MLLT3: variants seen among roughly 807,000 people sequenced by gnomAD.
The protein encoded by MLLT3 is MLLT3 super elongation complex subunit.
MLLT3 carries 4 observed loss-of-function variants against 53.2 expected under a neutral mutation model. The ratio of observed to expected loss-of-function variants is 0.08; its 90% CI spans 0.04 to 0.17. The LOEUF is 0.17. MLLT3 is among the 10% of genes least tolerant of loss of function. The pLI is 1.00. For missense variants in MLLT3, 569 were observed against 684.0 expected (o/e 0.83, Z 1.87); for synonymous variants, 283 against 230.6 (o/e 1.23, Z -2.06).
intron 8 of MLLT3, among the ~76,000 whole-genome samples, chr9:20,357,812 TAGAG>T (rs909768055): frequency 2.1e-4 from 32 of 152,316 alleles, no homozygotes; most frequent in African/African-American, 4.3e-4. Context: ...TATCAATTCA[TAGAG>T]AGAGAACAGG....
intron 2 of MLLT3, among the ~76,000 whole-genome samples, chr9:20,507,645 T>A (rs1176176783): frequency 6.6e-6 from 1 of 150,520 alleles, no homozygotes; most frequent in Non-Finnish European, 1.5e-5. Flanking sequence ...TGCCCATGCA[T>A]GCAAGAATTT....
At chr9:20,349,902 G>T (rs1239785034) in intron 10 of MLLT3, among the ~76,000 whole-genome samples, 1 of 152,234 alleles carries the variant, frequency 6.6e-6, no homozygotes, top group African/African-American at 2.4e-5. Context: ...CAAGGTAGAT[G>T]CAGAGAAACA....
intron 3 of MLLT3, among the ~76,000 whole-genome samples, chr9:20,455,402 C>T (rs931220393): frequency 6.6e-6 from 1 of 152,200 alleles, no homozygotes. Context: ...AGGGATTGCA[C>T]ATTAAGGAGT....
At chr9:20,531,839 A>G (rs530475227) in intron 2 of MLLT3, among the ~76,000 whole-genome samples, 1 of 152,288 alleles carries the variant, frequency 6.6e-6, no homozygotes, top group South Asian at 2.1e-4. Context: ...AAGCCTCTCA[A>G]TATTATCTGT....
intron 2 of MLLT3, among the ~76,000 whole-genome samples, chr9:20,600,159 T>A (rs1275976653): frequency 2.0e-5 from 3 of 147,880 alleles, no homozygotes; most frequent in Non-Finnish European, 3.0e-5. Flanking sequence ...AAAAAAACAC[T>A]TAGTTCAAAT....
intron 2 of MLLT3, among the ~76,000 whole-genome samples, chr9:20,482,876 A>G (rs1440063327): frequency 6.6e-6 from 1 of 152,212 alleles, no homozygotes; most frequent in Non-Finnish European, 1.5e-5. Context: ...TACATAAATC[A>G]TGAGTTTAAC....
intron 4 of MLLT3, among the ~76,000 whole-genome samples, chr9:20,441,736 A>G (rs1029541469): frequency 5.3e-5 from 8 of 152,172 alleles, no homozygotes; most frequent in African/African-American, 1.7e-4. Flanking sequence ...TCCAAAACAA[A>G]TATCCAAAAA....
At position 20,365,822 on chromosome 9, in the gene MLLT3, C is replaced by T. The variant is rs770714912; in HGVS notation, c.1126-78G>A. 2.3e-4 allele frequency: 323 copies of T among 1,433,228 alleles called. 1 individual carries two copies. Among genetic ancestry groups the T allele is most frequent in the Middle Eastern group, 9.2e-4 (5 of 5,418 alleles). 88.8% of individuals were successfully genotyped at this position (1,433,228 alleles called of 1,614,324 possible). ...TCTAAAGTTGAAAACAGTATTGTTGCTCAAACCATCCTCTGCAAAAACCGT... is the reference window on the plus strand; with the variant it reads ...TCTAAAGTTGAAAACAGTATTGTTGTTCAAACCATCCTCTGCAAAAACCGT... On this transcript the variant is annotated intron_variant, in intron 5 of 10. Transcript: ENST00000380338.
At chr9:20,579,268 G>A (rs1819729767) in intron 2 of MLLT3, among the ~76,000 whole-genome samples, 1 of 151,932 alleles carries the variant, frequency 6.6e-6, no homozygotes, top group African/African-American at 2.4e-5. Flanking sequence ...CTACTCTGGA[G>A]GCTCAATGGG....
At chr9:20,577,687 G>A (rs187680269) in intron 2 of MLLT3, among the ~76,000 whole-genome samples, 263 of 152,248 alleles carry the variant, frequency 1.7e-3, no homozygotes, top group Non-Finnish European at 2.9e-3. Flanking sequence ...TGACAGATTC[G>A]AAAGGTAGAA....
chr9:20,365,157 C>A (rs1345523294), intron 6 of MLLT3, among the ~76,000 whole-genome samples: 1 of 152,136 alleles, frequency 6.6e-6, no homozygotes, highest in Non-Finnish European at 1.5e-5. Context: ...GTAGCAATGA[C>A]AATCTGATGG....
chr9:20,371,262 T>A (rs1821593188), intron 5 of MLLT3, among the ~76,000 whole-genome samples: 1 of 152,340 alleles, frequency 6.6e-6, no homozygotes, highest in Middle Eastern at 3.4e-3. Flanking sequence ...TGCAGGAAGT[T>A]ATCCAGAAGA....
At chr9:20,414,808 G>A (rs1027326889) in intron 4 of MLLT3, among the ~76,000 whole-genome samples, 8 of 152,174 alleles carry the variant, frequency 5.3e-5, no homozygotes, top group Non-Finnish European at 5.9e-5. Context: ...ACCAAAAGAC[G>A]GGAACTATTA....
intron 5 of MLLT3, among the ~76,000 whole-genome samples, chr9:20,385,870 G>T (rs749965385): frequency 3.3e-5 from 5 of 152,256 alleles, no homozygotes; most frequent in African/African-American, 1.2e-4. Context: ...TGATACTTTT[G>T]GTCTGATAAG....
chr9:20,466,695 T>C (rs551616362), intron 2 of MLLT3, among the ~76,000 whole-genome samples: 37 of 152,338 alleles, frequency 2.4e-4, no homozygotes, highest in African/African-American at 8.9e-4. Flanking sequence ...ACTAATTGCA[T>C]AGTATCTCTC....
intron 2 of MLLT3, among the ~76,000 whole-genome samples, chr9:20,510,887 A>G (rs1310147455): frequency 6.6e-6 from 1 of 152,212 alleles, no homozygotes; most frequent in Non-Finnish European, 1.5e-5. Flanking sequence ...ATGCTTTGCC[A>G]TTACTGCTTA....
At chr9:20,357,979 G>GCACACACA (rs1491136011) in intron 8 of MLLT3, among the ~76,000 whole-genome samples, 8,792 of 137,646 alleles carry the variant, frequency 0.064, 617 homozygotes, top group African/African-American at 0.17. Flanking sequence ...CCTCCCTCCT[G>GCACACACA]CGCACACACA....
chr9:20,561,287 T>C (rs941944114), intron 2 of MLLT3, among the ~76,000 whole-genome samples: 1 of 152,160 alleles, frequency 6.6e-6, no homozygotes. Context: ...AGGGAAATCA[T>C]TGGCACACTT....
chr9:20,428,948 C>A (rs1479712494), intron 4 of MLLT3, among the ~76,000 whole-genome samples: 7 of 152,030 alleles, frequency 4.6e-5, no homozygotes, highest in Non-Finnish European at 1.0e-4. Flanking sequence ...TAGGAAGAAT[C>A]CTGTATTAAT....
Sources: allele counts gnomAD v4.1 joint callset (sites outside exome capture counted in the v4.1 genomes callset), GRCh38; gene constraint gnomAD v4.1.1; transcripts MANE v1.5; gene names NCBI Gene and HGNC (gene_info 2026-07-23, HGNC 2026-07-21).